GNB4: variants seen among roughly 807,000 people sequenced by gnomAD.
GNB4 encodes the protein guanine nucleotide-binding protein subunit beta-4.
Under a neutral mutation model 45.2 loss-of-function variants are expected in GNB4, and 28 were observed. That is an observed-to-expected ratio of 0.62 (90% CI 0.46 to 0.85). The LOEUF (loss-of-function observed/expected upper bound fraction) is 0.85. GNB4 is among the 40% of genes least tolerant of loss of function. The pLI is 0.00. For synonymous variants in GNB4, 132 were observed against 143.7 expected, an observed-to-expected ratio of 0.92 and a Z score of 0.58; for missense variants, 321 against 425.4, an observed-to-expected ratio of 0.75 and a Z score of 2.16.
the GNB4 span, among the ~76,000 whole-genome samples, chr3:179,501,988 A>G: frequency 6.6e-6 from 1 of 152,100 alleles, no homozygotes; most frequent in African/African-American, 2.4e-5. Context: ...CATAAATTTC[A>G]TAACCATTTT....
chr3:179,412,492 A>AATC (rs1323665789), intron 8 of GNB4, among the ~76,000 whole-genome samples: 2 of 152,040 alleles, frequency 1.3e-5, no homozygotes, highest in East Asian at 3.9e-4. Flanking sequence ...TAATAATAAT[A>AATC]ATAATTTATA....
At position 179,400,990 on chromosome 3, in the gene GNB4, C is replaced by T. The variant is rs1577023148; in HGVS notation, c.*223G>A. ...ATTCACCAAGGTTAAAATAACCCAACCCCTCAAATTAATACACTGGTCCTT... is the reference window on the plus strand; with the variant it reads ...ATTCACCAAGGTTAAAATAACCCAATCCCTCAAATTAATACACTGGTCCTT... On this transcript the variant is annotated 3_prime_UTR_variant, in exon 10 of 10. Transcript: ENST00000232564. The T allele has an allele frequency of 4.7e-6, 2 of 426,714 alleles. 1 individual carries two copies. The highest frequency in any genetic ancestry group is 1.0e-4 in the South Asian group (2 of 19,576). The allele number at this position is 426,714 out of a possible 1,614,324, so 26.4% of individuals were successfully genotyped here. A position where few individuals can be genotyped will look rare whatever the true frequency, so the allele number is the denominator to read the frequency against.
chr3:179,478,874 T>A, the GNB4 span, among the ~76,000 whole-genome samples: 2 of 152,176 alleles, frequency 1.3e-5, no homozygotes, highest in Non-Finnish European at 2.9e-5. Context: ...TCTCATGATA[T>A]CTGGTTGTTT....
the GNB4 span, among the ~76,000 whole-genome samples, chr3:179,470,220 A>G: frequency 0.74 from 111,900 of 152,082 alleles, 41,633 homozygotes; most frequent in East Asian, 0.98. Context: ...ATACTCCTAC[A>G]ACTTATAAAA....
the GNB4 span, among the ~76,000 whole-genome samples, chr3:179,525,106 A>G: frequency 5.9e-5 from 9 of 152,114 alleles, 1 homozygote; most frequent in Non-Finnish European, 4.4e-5. Context: ...GAAGAAGGAT[A>G]TCGGGTGAGT....
At chr3:179,429,626 T>C (rs551350822) in intron 1 of GNB4, among the ~76,000 whole-genome samples, 163 of 152,262 alleles carry the variant, frequency 1.1e-3, no homozygotes, top group East Asian at 5.8e-4. Context: ...CTTTTCACAG[T>C]ACCCTAGCCT....
chr3:179,402,886 G>A lies in GNB4; in HGVS notation c.917-1567C>T, dbSNP rs536853002. ...GCAGTCAGGTGACAGATCATCCTGC[G>A]CTGTGGCGTAAGGCCAGAGACTCAC... On this transcript the variant is annotated intron_variant, in intron 9 of 9. Coordinates refer to ENST00000232564, the MANE Select transcript of GNB4 (RefSeq NM_021629.4). Among the ~76,000 whole-genome samples the A allele has an allele frequency of 3.9e-5, 6 of 152,292 alleles. No homozygotes were observed. In the South Asian group the frequency reaches 8.3e-4, roughly 21 times the overall value.
chr3:179,484,228 C>G, the GNB4 span, among the ~76,000 whole-genome samples: 1 of 152,124 alleles, frequency 6.6e-6, no homozygotes, highest in Non-Finnish European at 1.5e-5. Flanking sequence ...CTTATATAGG[C>G]AAACAAATTG....
rs1159284125 is a variant in GNB4, at chr3:179,399,917, T to TGG, written c.*1294_*1295dup. 1.3e-5 allele frequency: 2 copies of TGG among 152,212 alleles called. No homozygotes were observed. The highest frequency in any genetic ancestry group is 2.9e-5 in the Non-Finnish European group (2 of 68,042). The allele number at this position is 152,212 out of a possible 1,614,324, so 9.4% of individuals were successfully genotyped here. ...AGGAAAAGTATCTTTAACTTGGTCG[T>TGG]GGGGGACTTCTAGTAAGAGACACAT... is the stretch of plus-strand genomic sequence containing the variant. On this transcript the variant is annotated 3_prime_UTR_variant, in exon 10 of 10. Transcript: ENST00000232564.
At chr3:179,459,673 T>A in the GNB4 span, among the ~76,000 whole-genome samples, 1 of 138,054 alleles carries the variant, frequency 7.2e-6, no homozygotes, top group African/African-American at 2.7e-5. Context: ...CAAGAGTAAA[T>A]CTCCATCTTA....
At chr3:179,452,042 AAGGT>A (rs1411387249), upstream of GNB4, among the ~76,000 whole-genome samples, 14 of 152,246 alleles carry the variant, frequency 9.2e-5, no homozygotes, top group Middle Eastern at 3.4e-3. Flanking sequence ...CTGCCTCATA[AAGGT>A]GCTAAGCATA....
At chr3:179,430,948 T>C (rs999384204) in intron 1 of GNB4, among the ~76,000 whole-genome samples, 1 of 152,210 alleles carries the variant, frequency 6.6e-6, no homozygotes, top group African/African-American at 2.4e-5. Flanking sequence ...TGCTTTATCT[T>C]TTGTTTTTGC....
At chr3:179,414,192 TA>T (rs1366153624) in intron 6 of GNB4, among the ~76,000 whole-genome samples, 6 of 151,976 alleles carry the variant, frequency 3.9e-5, no homozygotes, top group Non-Finnish European at 1.5e-5. Context: ...AAGGAGCAGT[TA>T]AAAAAATTTT....
chr3:179,506,587 G>A, the GNB4 span, among the ~76,000 whole-genome samples: 2 of 152,146 alleles, frequency 1.3e-5, no homozygotes, highest in Non-Finnish European at 1.5e-5. Flanking sequence ...TGGCACAAGA[G>A]GCTTTATAAA....
At chr3:179,448,431 T>C (rs1715791234) in intron 1 of GNB4, among the ~76,000 whole-genome samples, 1 of 152,188 alleles carries the variant, frequency 6.6e-6, no homozygotes, top group South Asian at 2.1e-4. Context: ...AAGATTATTT[T>C]TTCAGTTCTT....
chr3:179,481,421 T>C, the GNB4 span, among the ~76,000 whole-genome samples: 1 of 151,210 alleles, frequency 6.6e-6, no homozygotes, highest in South Asian at 2.1e-4. Flanking sequence ...GCAATCCTTC[T>C]GCCTCAGCCT....
chr3:179,445,456 T>G (rs1715698229), intron 1 of GNB4, among the ~76,000 whole-genome samples: 1 of 152,144 alleles, frequency 6.6e-6, no homozygotes, highest in Non-Finnish European at 1.5e-5. Context: ...GGCTAATTTT[T>G]GTATTTTTTT....
chr3:179,504,628 G>C, the GNB4 span, among the ~76,000 whole-genome samples: 1 of 152,192 alleles, frequency 6.6e-6, no homozygotes, highest in South Asian at 2.1e-4. Context: ...AGGACACAGA[G>C]ACTAACTTGC....
intron 9 of GNB4, among the ~76,000 whole-genome samples, chr3:179,402,822 A>G (rs1483258768): frequency 2.0e-5 from 3 of 152,206 alleles, no homozygotes; most frequent in Non-Finnish European, 2.9e-5. Flanking sequence ...AGTGTTCATC[A>G]ATCAGTAAGA....
Sources: allele counts gnomAD v4.1 joint callset (sites outside exome capture counted in the v4.1 genomes callset), GRCh38; gene constraint gnomAD v4.1.1; transcripts MANE v1.5; gene names NCBI Gene and HGNC (gene_info 2026-07-23, HGNC 2026-07-21).